The following MAPK8IP1 variants were observed in gnomAD, a reference collection of about 807,000 sequenced individuals.
MAPK8IP1 encodes the protein mitogen-activated protein kinase 8 interacting protein 1, also known as C-Jun-amino-terminal kinase-interacting protein 1.
Under a neutral mutation model 72.6 loss-of-function variants are expected in MAPK8IP1, and 17 were observed. The ratio of observed to expected loss-of-function variants is 0.23; its 90% CI spans 0.16 to 0.35. MAPK8IP1 has a LOEUF of 0.35. MAPK8IP1 is among the 10% of genes least tolerant of loss of function. The pLI is 1.00. For synonymous variants in MAPK8IP1, 401 were observed against 443.4 expected, an observed-to-expected ratio of 0.90 and a Z score of 1.20; for missense variants, 789 against 1,009.7, an observed-to-expected ratio of 0.78 and a Z score of 2.96.
Position 45,904,730 on chromosome 11 carries a change from C to G in MAPK8IP1, c.1789C>G (p.Arg597Gly). The change falls in exon 9 of 12, where the codon CGC becomes GGC. Residue 597 changes from arginine to glycine, a missense_variant. Arg to Gly is a moderately radical substitution (Grantham distance 125). Around this residue, in one of 4 missense-constraint regions of MAPK8IP1, gnomAD observed 188 missense variants for 293.3 expected, o/e 0.64. Transcript: ENST00000241014. This position sits in a 1 kb window ranked among gnomAD's most constrained non-coding sequence, Gnocchi z 6.4. ...TTGTCACCTGTAGATTGCCACCACCCGCCGGCTCACCGTGCACTTTAACCC... is the reference window on the plus strand; with the variant it reads ...TTGTCACCTGTAGATTGCCACCACCGGCCGGCTCACCGTGCACTTTAACCC... ...CAAMQKIATT[R>G]RLTVHFNPPS... is the part of the protein sequence containing the mutation. 1 of 1,613,900 alleles carries G rather than the reference C, an allele frequency of 6.2e-7. No homozygotes were observed. Among genetic ancestry groups the G allele is most frequent in the South Asian group, 1.1e-5 (1 of 91,088 alleles).
chr11:45,887,586 C>T (rs984712642), intron 1 of MAPK8IP1, among the ~76,000 whole-genome samples: 1 of 152,242 alleles, frequency 6.6e-6, no homozygotes, highest in Non-Finnish European at 1.5e-5. Context: ...CGTCCCAGCC[C>T]TGCCTCTGGC....
At position 45,898,080 on chromosome 11, in the gene MAPK8IP1, A is replaced by C. The variant is rs753886335; in HGVS notation, c.102-5A>C. 1.1e-5 allele frequency: 17 copies of C among 1,602,770 alleles called. No individual in the cohort carries two copies. The highest frequency in any genetic ancestry group is 1.5e-5 in the Non-Finnish European group (17 of 1,169,920). On this transcript the variant is annotated splice_region_variant and splice_polypyrimidine_tract_variant and intron_variant, in intron 1 of 11. Coordinates refer to ENST00000241014, the MANE Select transcript of MAPK8IP1 (RefSeq NM_005456.4). ...GTTGTAACTTTGGCTTCCTGTCCCC[A>C]CCAGGCTCACCCATGACATCAGCCT...
chr11:45,898,012 G>A, intron 1 of MAPK8IP1, 73 bp from the exon 2 acceptor site: 1 of 913,050 alleles, frequency 1.1e-6, no homozygotes, highest in Non-Finnish European at 1.8e-6. Context: ...GCTGCACCCT[G>A]GAAGAGGTAA....
chr11:45,901,861 G>T, intron 3 of MAPK8IP1, 119 bp from the exon 4 acceptor site: 3 of 809,150 alleles, frequency 3.7e-6, no homozygotes, highest in Non-Finnish European at 6.7e-6. Flanking sequence ...TTTGACAGTG[G>T]AGGCGGGGTG....
intron 1 of MAPK8IP1, among the ~76,000 whole-genome samples, chr11:45,895,449 G>C (rs1260867381): frequency 6.6e-6 from 1 of 151,914 alleles, no homozygotes; most frequent in Non-Finnish European, 1.5e-5. Context: ...GTGAAACCCT[G>C]TCTCTACTAA....
chr11:45,905,253 C>T lies in MAPK8IP1; in HGVS notation c.2063+4C>T, dbSNP rs371784650. 9 of 1,610,660 alleles carry T rather than the reference C, an allele frequency of 5.6e-6. No homozygotes were observed. Among genetic ancestry groups the T allele is most frequent in the East Asian group, 4.5e-5 (2 of 44,880 alleles). On this transcript the variant is annotated splice_donor_region_variant and intron_variant, in intron 11 of 11. Coordinates refer to ENST00000241014, the MANE Select transcript of MAPK8IP1 (RefSeq NM_005456.4). ...AAGCCCTGGCAGAGTCCGTGGGGTA[C>T]GTGTACACCCTGCTGAGCACCCAGC...
chr11:45,899,961 G>A (rs1277111814), intron 2 of MAPK8IP1, among the ~76,000 whole-genome samples, 177 bp from the exon 3 acceptor site: 2 of 152,118 alleles, frequency 1.3e-5, no homozygotes, highest in East Asian at 3.9e-4. Context: ...GGAGGCGGCG[G>A]CCTCGCGCTT....
Position 45,904,597 on chromosome 11 carries a change from A to G in MAPK8IP1, c.1776+33A>G. ...AGCCCTCTCCCTTCTCCTCCCTTGG[A>G]TGGGTCCCTGGGGCAGAGGGACGCA... On this transcript the variant is annotated intron_variant, in intron 8 of 11. Transcript: ENST00000241014. The surrounding 1 kb of genome is among the most constrained non-coding windows in gnomAD (Gnocchi z 6.4). The G allele has an allele frequency of 6.2e-7, 1 of 1,607,410 alleles. No homozygotes were observed. Among genetic ancestry groups the G allele is most frequent in the Non-Finnish European group, 8.5e-7 (1 of 1,173,966 alleles).
At chr11:45,887,383 G>A (rs1032584963) in intron 1 of MAPK8IP1, among the ~76,000 whole-genome samples, 2 of 152,214 alleles carry the variant, frequency 1.3e-5, no homozygotes, top group Non-Finnish European at 2.9e-5. Context: ...ACGGCTCGCT[G>A]CTGTCCAGAG....
At chr11:45,898,298 C>T in intron 2 of MAPK8IP1, 108 bp downstream of exon 2, 2 of 719,198 alleles carry the variant, frequency 2.8e-6, no homozygotes, top group South Asian at 2.9e-5. Context: ...GTGCTGGCAC[C>T]CTCATGAAAT....
chr11:45,892,349 A>C (rs537070162), intron 1 of MAPK8IP1, among the ~76,000 whole-genome samples: 2 of 152,332 alleles, frequency 1.3e-5, no homozygotes, highest in South Asian at 4.1e-4. Context: ...AGAGATTTCC[A>C]AGGCAAAAAT....
chr11:45,889,163 T>C (rs2086548506), intron 1 of MAPK8IP1, among the ~76,000 whole-genome samples: 1 of 152,270 alleles, frequency 6.6e-6, no homozygotes, highest in Non-Finnish European at 1.5e-5. Context: ...TTTTTTCTTA[T>C]ATATCTTATA....
In MAPK8IP1 at chr11:45,903,147, C is replaced by T. The variant is rs373483827; in HGVS notation, c.1380C>T (p.Phe460=). 28 of 1,606,346 alleles carry T rather than the reference C, an allele frequency of 1.7e-5. No individual in the cohort carries two copies. The highest frequency in any genetic ancestry group is 4.2e-6 in the Non-Finnish European group (5 of 1,176,516). ...CCGACGTCCATTTCTCCAAGAAATT[C>T]CTGAACGTCTTCATGAGTGGCCGCT... ...DEPDVHFSKK[F]LNVFMSGRSR... is the part of the protein sequence containing the mutation. The change falls in exon 5 of 12, where the codon TTC becomes TTT. Residue 460 remains phenylalanine, a synonymous_variant. Transcript: ENST00000241014. The surrounding 1 kb of genome is among the most constrained non-coding windows in gnomAD (Gnocchi z 6.4).
intron 1 of MAPK8IP1, 32 bp downstream of exon 1, chr11:45,885,953 C>A: frequency 1.4e-6 from 2 of 1,407,150 alleles, no homozygotes; most frequent in Admixed American, 2.5e-5. Flanking sequence ...GCGCCTCGCC[C>A]TTCAGCGGGG....
intron 1 of MAPK8IP1, chr11:45,896,589 C>CGGCAGCAG (rs1565072271): frequency 1.6e-6 from 2 of 1,288,084 alleles, no homozygotes; most frequent in African/African-American, 1.5e-5. Flanking sequence ...GCGGCCACAG[C>CGGCAGCAG]GGCAGCAGCG....
rs1268429340 is a variant in MAPK8IP1, at chr11:45,903,379, G to C, written c.1432G>C (p.Gly478Arg). 6.2e-7 allele frequency: 1 copy of C among 1,613,688 alleles called. No individual in the cohort carries two copies. Among genetic ancestry groups the C allele is most frequent in the South Asian group, 1.1e-5 (1 of 91,052 alleles). The change falls in exon 6 of 12, where the codon GGG (glycine) becomes CGG (arginine). Residue 478 changes from glycine (G) to arginine (R), a missense_variant. Gly to Arg is a moderately radical substitution (Grantham distance 125). Around this residue, in one of 4 missense-constraint regions of MAPK8IP1, gnomAD observed 377 missense variants for 411.7 expected, o/e 0.92. Transcript: ENST00000241014. This position sits in a 1 kb window ranked among gnomAD's most constrained non-coding sequence, Gnocchi z 6.4. ...CTCACCTGCAGGTGCTGAGTCCTTC[G>C]GGCTGTTCTCCTGCATCATCAACGG... Reference protein sequence around the residue: ...RSRSSSAESFGLFSCIINGEE... With the variant: ...RSRSSSAESFRLFSCIINGEE...
intron 1 of MAPK8IP1, among the ~76,000 whole-genome samples, chr11:45,888,987 A>AC (rs2134664305): frequency 6.6e-6 from 1 of 152,328 alleles, no homozygotes; most frequent in African/African-American, 2.4e-5. Flanking sequence ...GGCTCGAGCC[A>AC]CCACGCCCAG....
chr11:45,898,743 C>T (rs2086627096), intron 2 of MAPK8IP1, among the ~76,000 whole-genome samples: 1 of 152,232 alleles, frequency 6.6e-6, no homozygotes, highest in Middle Eastern at 3.2e-3. Context: ...GTTTGCCCAG[C>T]ATTGCTGCTG....
rs1486888559 is a variant in MAPK8IP1 at position 45,903,496 on chromosome 11, C to T, written c.1493+56C>T. The T allele has an allele frequency of 6.8e-7, 1 of 1,460,304 alleles. No individual in the cohort carries two copies. Among genetic ancestry groups the T allele is most frequent in the East Asian group, 2.4e-5 (1 of 42,250 alleles). 90.5% of individuals were successfully genotyped at this position (1,460,304 alleles called of 1,614,324 possible). ...AGGCAGCAGTTTGGGCCACACACCACCCTCTACTTGTCACCCCTACATGGC... is the reference window on the plus strand; with the variant it reads ...AGGCAGCAGTTTGGGCCACACACCATCCTCTACTTGTCACCCCTACATGGC... On this transcript the variant is annotated intron_variant, in intron 6 of 11. Transcript: ENST00000241014. The surrounding 1 kb of genome is among the most constrained non-coding windows in gnomAD (Gnocchi z 6.4).
Sources: allele counts gnomAD v4.1 joint callset (sites outside exome capture counted in the v4.1 genomes callset), GRCh38; gene constraint gnomAD v4.1.1; regional missense constraint gnomAD v4.1.1; non-coding constraint Gnocchi (gnomAD v3.1); transcripts MANE v1.5; gene names NCBI Gene and HGNC (gene_info 2026-07-23, HGNC 2026-07-21).